Variants in SCFD2 observed in about 807,000 individuals in gnomAD.
The protein encoded by SCFD2 is sec1 family domain containing 2.
In SCFD2, 54 loss-of-function variants were observed where a neutral mutation model predicts 58.9. The observed-to-expected ratio is 0.92, with a 90% CI of 0.74 to 1.15. The LOEUF is 1.15. Among genes scored for constraint, SCFD2 ranks in the 50% most tolerant of loss-of-function variants. SCFD2 has a pLI of 0.00. For missense variants in SCFD2, 805 were observed against 836.6 expected (o/e 0.96, Z 0.47); for synonymous variants, 321 against 335.9 (o/e 0.96, Z 0.49).
At chr4:53,342,285 A>G (rs929174229) in intron 2 of SCFD2, among the ~76,000 whole-genome samples, 1 of 152,074 alleles carries the variant, frequency 6.6e-6, no homozygotes, top group Non-Finnish European at 1.5e-5. Context: ...AATGGAAAAC[A>G]AAAAAAAGGA....
At chr4:53,219,354 G>A (rs1256608289) in intron 4 of SCFD2, among the ~76,000 whole-genome samples, 7 of 152,304 alleles carry the variant, frequency 4.6e-5, no homozygotes, top group Non-Finnish European at 1.5e-5. Context: ...CCCTCCCCCA[G>A]CCTCGCTGCC....
intron 6 of SCFD2, among the ~76,000 whole-genome samples, chr4:52,917,665 T>C (rs1426840973): frequency 6.6e-6 from 1 of 152,210 alleles, no homozygotes; most frequent in Non-Finnish European, 1.5e-5. Flanking sequence ...GAAAAGGTCC[T>C]GGCTGCCCTG....
intron 5 of SCFD2, among the ~76,000 whole-genome samples, chr4:52,928,603 C>T (rs1022665544): frequency 6.6e-6 from 1 of 152,204 alleles, no homozygotes; most frequent in Non-Finnish European, 1.5e-5. Flanking sequence ...TCCCTTCTGG[C>T]TCCCCGACTA....
chr4:53,317,085 C>A (rs535361926), intron 2 of SCFD2, among the ~76,000 whole-genome samples: 47 of 144,316 alleles, frequency 3.3e-4, no homozygotes, highest in Middle Eastern at 3.8e-3. Context: ...CCAGCCTAGG[C>A]AACAGAACGA....
chr4:53,118,293 T>G (rs1168260565), intron 5 of SCFD2, among the ~76,000 whole-genome samples: 1 of 152,164 alleles, frequency 6.6e-6, no homozygotes, highest in Admixed American at 6.5e-5. Flanking sequence ...GGACAACTGA[T>G]GAAATGACCA....
intron 4 of SCFD2, among the ~76,000 whole-genome samples, chr4:53,213,235 T>G (rs1234287300): frequency 1.3e-5 from 2 of 152,112 alleles, no homozygotes. Context: ...CAAAAAGAGA[T>G]GATGAGTAAA....
At chr4:52,908,648 T>C (rs1719407202) in intron 6 of SCFD2, among the ~76,000 whole-genome samples, 1 of 152,186 alleles carries the variant, frequency 6.6e-6, no homozygotes, top group African/African-American at 2.4e-5. Flanking sequence ...CCTGGCTTCA[T>C]CTTGCTTTTC....
At chr4:53,153,223 A>G (rs2148919897) in intron 4 of SCFD2, among the ~76,000 whole-genome samples, 1 of 152,316 alleles carries the variant, frequency 6.6e-6, no homozygotes, top group East Asian at 1.9e-4. Flanking sequence ...GTCTCTCTGC[A>G]GGGGCTCCAC....
chr4:53,087,617 G>C (rs1724346194), intron 5 of SCFD2, among the ~76,000 whole-genome samples: 1 of 151,480 alleles, frequency 6.6e-6, no homozygotes, highest in Non-Finnish European at 1.5e-5. Flanking sequence ...ACAGGCGTGA[G>C]CCACTGTGCC....
intron 5 of SCFD2, chr4:52,957,824 A>T (rs1211851120): frequency 1.3e-5 from 2 of 152,238 alleles, no homozygotes; most frequent in Non-Finnish European, 2.9e-5. Context: ...TAACGCTGAT[A>T]GAGGTATGTG....
At chr4:52,991,443 G>A (rs527686582) in intron 5 of SCFD2, among the ~76,000 whole-genome samples, 5 of 152,252 alleles carry the variant, frequency 3.3e-5, no homozygotes, top group Non-Finnish European at 7.4e-5. Context: ...TGGGGTTCAG[G>A]GGAGAACCCC....
At chr4:53,165,432 T>C (rs1056553823) in intron 4 of SCFD2, among the ~76,000 whole-genome samples, 5 of 152,206 alleles carry the variant, frequency 3.3e-5, no homozygotes, top group African/African-American at 1.2e-4. Flanking sequence ...GTTTTATAGA[T>C]CATGGAGCTG....
chr4:53,120,738 T>G (rs1351274718), intron 5 of SCFD2, among the ~76,000 whole-genome samples: 10 of 152,166 alleles, frequency 6.6e-5, no homozygotes, highest in Admixed American at 6.6e-4. Flanking sequence ...TTTATTGAAA[T>G]TTTATAAGGT....
chr4:53,040,611 C>T (rs534104224), intron 5 of SCFD2, among the ~76,000 whole-genome samples: 36 of 152,128 alleles, frequency 2.4e-4, no homozygotes, highest in African/African-American at 7.2e-4. Flanking sequence ...TAAAAATTTC[C>T]GAGGAATGCC....
chr4:52,939,551 T>C (rs1001073802), intron 5 of SCFD2, among the ~76,000 whole-genome samples: 1 of 152,170 alleles, frequency 6.6e-6, no homozygotes, highest in African/African-American at 2.4e-5. Flanking sequence ...GCTTACTATG[T>C]GTCAGGCATT....
At chr4:53,220,480 G>C (rs1182677508) in intron 4 of SCFD2, among the ~76,000 whole-genome samples, 1 of 152,096 alleles carries the variant, frequency 6.6e-6, no homozygotes, top group East Asian at 1.9e-4. Context: ...ATAATTATTT[G>C]TTGAAATAAC....
chr4:53,322,026 T>G (rs1733040173), intron 2 of SCFD2, among the ~76,000 whole-genome samples: 1 of 152,096 alleles, frequency 6.6e-6, no homozygotes, highest in Non-Finnish European at 1.5e-5. Flanking sequence ...ATTGAGAACT[T>G]TGGGAAAGTG....
At chr4:53,364,807 G>A (rs1320031662) in intron 1 of SCFD2, among the ~76,000 whole-genome samples, 3 of 152,210 alleles carry the variant, frequency 2.0e-5, no homozygotes, top group Non-Finnish European at 4.4e-5. Flanking sequence ...CAGGTGCACA[G>A]TTTTCCTCCC....
At chr4:53,249,707 C>G (rs1020268100) in intron 4 of SCFD2, among the ~76,000 whole-genome samples, 4 of 152,054 alleles carry the variant, frequency 2.6e-5, no homozygotes, top group African/African-American at 9.7e-5. Context: ...GCCAAACTAA[C>G]CTTCATAAGA....
Sources: gnomAD v4.1 joint callset for allele counts (sites outside exome capture counted in the v4.1 genomes callset) on GRCh38, gnomAD v4.1.1 for gene constraint, MANE v1.5 for transcripts, NCBI Gene and HGNC (gene_info 2026-07-23, HGNC 2026-07-21) for gene names.